The following GPC6 variants were observed in gnomAD, a reference collection of about 807,000 sequenced individuals.
GPC6 encodes glypican 6, also known as glypican-6.
In GPC6, 14 loss-of-function variants were observed where a neutral mutation model predicts 55.2. The ratio of observed to expected loss-of-function variants is 0.25; its 90% CI spans 0.17 to 0.40. GPC6 has a LOEUF of 0.40. Among genes scored for constraint, GPC6 ranks in the 10% least tolerant of loss-of-function variants. The pLI is 1.00. For missense variants in GPC6, 641 were observed against 708.5 expected (o/e 0.90, Z 1.08); for synonymous variants, 278 against 259.6 (o/e 1.07, Z -0.68).
chr13:93,992,676 T>C (rs1881364543), intron 3 of GPC6, among the ~76,000 whole-genome samples: 1 of 152,200 alleles, frequency 6.6e-6, no homozygotes, highest in Admixed American at 6.5e-5. Flanking sequence ...TTGATTATTA[T>C]CATGAGATCT....
intron 3 of GPC6, among the ~76,000 whole-genome samples, chr13:94,019,695 G>A (rs539833032): frequency 6.6e-6 from 1 of 152,030 alleles, no homozygotes; most frequent in South Asian, 2.1e-4. Context: ...ATCTTATCTA[G>A]ATCCTTACTT....
intron 6 of GPC6, among the ~76,000 whole-genome samples, chr13:94,374,471 T>G (rs1349453211): frequency 2.1e-5 from 3 of 145,890 alleles, no homozygotes; most frequent in East Asian, 2.0e-4. Flanking sequence ...ACAAGGCCAT[T>G]ACATAATGGT....
intron 4 of GPC6, among the ~76,000 whole-genome samples, chr13:94,262,373 G>T (rs1891679509): frequency 6.6e-6 from 1 of 152,074 alleles, no homozygotes; most frequent in Non-Finnish European, 1.5e-5. Flanking sequence ...GTAGTCAAGA[G>T]TGAATCACTG....
chr13:93,950,955 T>C (rs573304217), intron 3 of GPC6, among the ~76,000 whole-genome samples: 4 of 152,284 alleles, frequency 2.6e-5, no homozygotes, highest in East Asian at 3.9e-4. Flanking sequence ...TTCCCCTCTT[T>C]AGAAGAATTT....
At chr13:93,498,893 C>A (rs1880411007) in intron 1 of GPC6, among the ~76,000 whole-genome samples, 1 of 152,064 alleles carries the variant, frequency 6.6e-6, no homozygotes, top group Non-Finnish European at 1.5e-5. Flanking sequence ...TCTCATAGTT[C>A]TCCCATGAAT....
At chr13:94,153,662 G>A (rs1409694993) in intron 4 of GPC6, among the ~76,000 whole-genome samples, 1 of 152,124 alleles carries the variant, frequency 6.6e-6, no homozygotes, top group Non-Finnish European at 1.5e-5. Flanking sequence ...GTCACAAAAA[G>A]GTATAGTATG....
chr13:94,304,989 TA>T (rs1239175240), intron 5 of GPC6, among the ~76,000 whole-genome samples: 4 of 152,250 alleles, frequency 2.6e-5, no homozygotes, highest in Admixed American at 2.6e-4. Context: ...TATTTGGCTT[TA>T]TGTGCTATAC....
intron 2 of GPC6, among the ~76,000 whole-genome samples, chr13:93,743,681 C>T (rs1884286892): frequency 6.6e-6 from 1 of 151,940 alleles, no homozygotes; most frequent in African/African-American, 2.4e-5. Context: ...TTCCTTTCAT[C>T]TTTATTATTT....
chr13:94,033,744 T>A (rs1883222223), intron 4 of GPC6, among the ~76,000 whole-genome samples: 1 of 152,148 alleles, frequency 6.6e-6, no homozygotes, highest in Non-Finnish European at 1.5e-5. Context: ...AATACCATGT[T>A]ACAAAAACCT....
rs1007773504 is a variant in GPC6 at position 93,227,814 on chromosome 13, C to T, written c.160+198C>T. Among the ~76,000 whole-genome samples the T allele has an allele frequency of 2.0e-5, 3 of 152,168 alleles. No individual in the cohort carries two copies. Among genetic ancestry groups the T allele is most frequent in the Non-Finnish European group, 2.9e-5 (2 of 68,038 alleles). ...GGCGGGGGAAGGTGTGCGTCTCCGC[C>T]GCCTCATTGTGTGCACACGCGGGAG... On this transcript the variant is annotated intron_variant, in intron 1 of 8. Transcript: ENST00000377047. The surrounding 1 kb of genome is among the most constrained non-coding windows in gnomAD (Gnocchi z 4.3).
At chr13:94,340,606 A>G (rs919818789) in intron 6 of GPC6, among the ~76,000 whole-genome samples, 8 of 152,242 alleles carry the variant, frequency 5.3e-5, no homozygotes, top group Admixed American at 3.9e-4. Context: ...GTGTAACTAT[A>G]GAGGTCACTA....
intron 1 of GPC6, among the ~76,000 whole-genome samples, chr13:93,520,757 C>A (rs940304130): frequency 5.3e-5 from 8 of 151,716 alleles, no homozygotes; most frequent in African/African-American, 9.7e-5. Flanking sequence ...CTTACATGGA[C>A]AAACTATACA....
chr13:93,659,276 A>T (rs1215030789), intron 2 of GPC6, among the ~76,000 whole-genome samples: 1 of 151,898 alleles, frequency 6.6e-6, no homozygotes, highest in East Asian at 1.9e-4. Flanking sequence ...ATGTATGACC[A>T]TGTAAAGATG....
intron 2 of GPC6, among the ~76,000 whole-genome samples, chr13:93,782,363 GC>G (rs1325344468): frequency 9.2e-5 from 14 of 152,046 alleles, no homozygotes; most frequent in Admixed American, 9.2e-4. Flanking sequence ...TCCATATCTT[GC>G]CTGTTGCAAA....
intron 3 of GPC6, among the ~76,000 whole-genome samples, chr13:93,936,932 T>G (rs1396487520): frequency 1.3e-5 from 2 of 152,206 alleles, no homozygotes; most frequent in Non-Finnish European, 2.9e-5. Context: ...CATCAGATAT[T>G]TTGTGGTTAC....
chr13:93,226,559 CT>C (rs961365681), upstream of GPC6: 6 of 152,216 alleles, frequency 3.9e-5, no homozygotes, highest in African/African-American at 1.4e-4. Context: ...CTGCGTTATC[CT>C]TTACCTCCAT....
intron 7 of GPC6, among the ~76,000 whole-genome samples, chr13:94,386,086 C>G (rs1276728629): frequency 6.6e-6 from 1 of 152,056 alleles, no homozygotes; most frequent in Non-Finnish European, 1.5e-5. Context: ...GAGTTTAAGA[C>G]TAGCCTGGGC....
chr13:93,915,804 G>C (rs532811269), intron 3 of GPC6, among the ~76,000 whole-genome samples: 6 of 152,128 alleles, frequency 3.9e-5, no homozygotes, highest in African/African-American at 1.4e-4. Context: ...TTTTTCTCTT[G>C]GCTGCCCCCC....
At chr13:93,336,671 A>G (rs1475709259) in intron 1 of GPC6, among the ~76,000 whole-genome samples, 2 of 152,214 alleles carry the variant, frequency 1.3e-5, no homozygotes, top group African/African-American at 4.8e-5. Flanking sequence ...ATGTAAGTCC[A>G]TGTATTAATC....
Sources: gnomAD v4.1 joint callset for allele counts (sites outside exome capture counted in the v4.1 genomes callset) on GRCh38, gnomAD v4.1.1 for gene constraint, Gnocchi (gnomAD v3.1) non-coding constraint, MANE v1.5 for transcripts, NCBI Gene and HGNC (gene_info 2026-07-23, HGNC 2026-07-21) for gene names.